Variants in SIPA1L3 observed in about 807,000 individuals in gnomAD.
SIPA1L3 encodes the protein signal-induced proliferation-associated 1-like protein 3.
In SIPA1L3, 59 loss-of-function variants were observed where a neutral mutation model predicts 150.1. The observed-to-expected ratio is 0.39, with a 90% CI of 0.32 to 0.49. The LOEUF (loss-of-function observed/expected upper bound fraction) is 0.49, where lower values mean the gene tolerates loss of function less well. SIPA1L3 is among the 20% of genes least tolerant of loss of function. The pLI, the probability that SIPA1L3 is intolerant of heterozygous loss-of-function variation, is 0.86. For synonymous variants in SIPA1L3, 1,070 were observed against 1,077.6 expected, an observed-to-expected ratio of 0.99 and a Z score of 0.14; for missense variants, 2,211 against 2,489.5, an observed-to-expected ratio of 0.89 and a Z score of 2.38.
At chr19:38,063,117 A>AC in intron 2 of SIPA1L3, among the ~76,000 whole-genome samples, 1 of 152,318 alleles carries the variant, frequency 6.6e-6, no homozygotes, top group East Asian at 1.9e-4. Context: ...TGTGCTCTGC[A>AC]CAGGGCCTGG....
At chr19:38,053,228 A>G (rs1969237729) in intron 2 of SIPA1L3, among the ~76,000 whole-genome samples, 1 of 152,238 alleles carries the variant, frequency 6.6e-6, no homozygotes, top group Non-Finnish European at 1.5e-5. Context: ...GAGACAGAGA[A>G]GCCCAGTTAC....
chr19:37,974,817 C>T (rs1432798590), intron 1 of SIPA1L3, among the ~76,000 whole-genome samples: 1 of 152,184 alleles, frequency 6.6e-6, no homozygotes, highest in South Asian at 2.1e-4. Context: ...TGGAATCTCT[C>T]CATTCCCCAT....
At chr19:38,168,787 G>C (rs928093052) in intron 15 of SIPA1L3, among the ~76,000 whole-genome samples, 35 of 152,334 alleles carry the variant, frequency 2.3e-4, no homozygotes, top group East Asian at 1.7e-3. Flanking sequence ...CTGCAGAAGA[G>C]GGCCCTGCGG....
chr19:38,142,755 GCTGTGCCTCCTTCTTCCCCAGCAAAT>G, intron 12 of SIPA1L3, 45 bp downstream of exon 12: 1 of 1,574,260 alleles, frequency 6.4e-7, no homozygotes, highest in Non-Finnish European at 8.7e-7. Context: ...TCTGATGAAA[GCTGTGCCTCCTTCTTCCCCAGCAAAT>G]GCACACCCCC....
At chr19:38,115,915 C>A (rs1405647255) in intron 8 of SIPA1L3, among the ~76,000 whole-genome samples, 1 of 152,106 alleles carries the variant, frequency 6.6e-6, no homozygotes, top group Non-Finnish European at 1.5e-5. Flanking sequence ...TGCCTAAGAG[C>A]GTGGAGTCCA....
At chr19:38,003,753 C>T (rs1359461481) in intron 1 of SIPA1L3, among the ~76,000 whole-genome samples, 1 of 152,294 alleles carries the variant, frequency 6.6e-6, no homozygotes, top group South Asian at 2.1e-4. Flanking sequence ...TGTCCTCTCT[C>T]GGGACTGTGC....
chr19:38,132,335 G>A (rs139675708), intron 10 of SIPA1L3, among the ~76,000 whole-genome samples: 148 of 151,710 alleles, frequency 9.8e-4, no homozygotes, highest in Middle Eastern at 6.8e-3. Flanking sequence ...CGAGGCGGGC[G>A]GATCACCAGG....
intron 1 of SIPA1L3, among the ~76,000 whole-genome samples, chr19:37,953,401 A>G (rs1056765276): frequency 2.0e-5 from 3 of 152,220 alleles, no homozygotes; most frequent in Non-Finnish European, 4.4e-5. Context: ...AACTTTGGAA[A>G]GAGCTGGATA....
intron 16 of SIPA1L3, among the ~76,000 whole-genome samples, chr19:38,187,366 C>T (rs1385518224): frequency 2.0e-5 from 3 of 149,108 alleles, no homozygotes; most frequent in East Asian, 2.0e-4. Flanking sequence ...GCAGGAGAAT[C>T]GCTAGAACCT....
intron 7 of SIPA1L3, among the ~76,000 whole-genome samples, chr19:38,107,753 G>A (rs1042780555): frequency 1.3e-5 from 2 of 152,168 alleles, no homozygotes; most frequent in Non-Finnish European, 2.9e-5. Flanking sequence ...GAGGCAGGCG[G>A]ATCACCTGAG....
chr19:38,152,432 A>G (rs1451641488), intron 12 of SIPA1L3, among the ~76,000 whole-genome samples: 3 of 152,110 alleles, frequency 2.0e-5, no homozygotes, highest in South Asian at 2.1e-4. Context: ...ATGCTTCCCA[A>G]CCTGCTGTCT....
In SIPA1L3 at chr19:38,051,916, G is replaced by T. The variant is rs138559458; in HGVS notation, c.-311+22760G>T. The stretch of plus-strand genomic sequence containing the variant: ...CCCACTTGAGTTGTTTTAGTAATGG[G>T]GAATTTCAGGCATTTACAGGGGTAG... On this transcript the variant is annotated intron_variant, in intron 2 of 21. Transcript: ENST00000222345. Among the ~76,000 whole-genome samples the T allele has an allele frequency of 3.3e-3, 501 of 152,230 alleles. 4 individuals are homozygous for T. The highest frequency in any genetic ancestry group is 0.012 in the African/African-American group (480 of 41,536).
At chr19:38,134,403 CAA>C (rs1175309814) in intron 10 of SIPA1L3, among the ~76,000 whole-genome samples, 3,257 of 64,018 alleles carry the variant, frequency 0.051, 144 homozygotes, top group African/African-American at 0.16. Context: ...CAAGCTTTCT[CAA>C]AAAAAAAAAA....
chr19:38,047,233 C>T lies in SIPA1L3; in HGVS notation c.-311+18077C>T, dbSNP rs1195226754. Reference sequence around the variant, plus strand: ...GCCTGTTCTCCCCCGCCGACACACACGCACGCACACACGCACGCACTCACA... The same window carrying T: ...GCCTGTTCTCCCCCGCCGACACACATGCACGCACACACGCACGCACTCACA... On this transcript the variant is annotated intron_variant, in intron 2 of 21. Transcript: ENST00000222345. The surrounding 1 kb of genome is among the most constrained non-coding windows in gnomAD (Gnocchi z 4.7). 3.3e-5 allele frequency among the ~76,000 whole-genome samples: 5 copies of T among 152,026 alleles called. No individual in the cohort carries two copies. Among genetic ancestry groups the T allele is most frequent in the Non-Finnish European group, 5.9e-5 (4 of 68,004 alleles).
chr19:38,078,547 C>G (rs1969905581), intron 2 of SIPA1L3, among the ~76,000 whole-genome samples: 1 of 149,956 alleles, frequency 6.7e-6, no homozygotes, highest in Non-Finnish European at 1.5e-5. Flanking sequence ...CACGCACACA[C>G]ACAGACACGC....
rs147367929 is a variant in SIPA1L3, at chr19:38,188,304, C to T, written c.4431-3841C>T. Among the ~76,000 whole-genome samples the T allele has an allele frequency of 2.0e-5, 3 of 151,992 alleles. No individual in the cohort carries two copies. The East Asian group carries it at 5.9e-4, about 30-fold the overall frequency. On this transcript the variant is annotated intron_variant, in intron 16 of 21. Transcript: ENST00000222345. ...GGTACAAGTGATTCTCGTGCCTCAG[C>T]CTCCCGAGTAGCTGGGACTATAGGT...
At chr19:38,035,721 A>AGAT (rs1444466862) in intron 2 of SIPA1L3, among the ~76,000 whole-genome samples, 2 of 152,012 alleles carry the variant, frequency 1.3e-5, no homozygotes, top group African/African-American at 2.4e-5. Context: ...GATGATAATG[A>AGAT]GATGATGATG....
intron 1 of SIPA1L3, among the ~76,000 whole-genome samples, chr19:37,994,367 T>C (rs994698176): frequency 3.3e-5 from 5 of 152,140 alleles, no homozygotes; most frequent in Non-Finnish European, 2.9e-5. Flanking sequence ...GGCGCCAGTG[T>C]GTGGAGATCT....
At chr19:37,992,998 C>T (rs1417880780) in intron 1 of SIPA1L3, among the ~76,000 whole-genome samples, 1 of 152,216 alleles carries the variant, frequency 6.6e-6, no homozygotes, top group Non-Finnish European at 1.5e-5. Flanking sequence ...GATCCTCAGA[C>T]TCGCTGGGTC....
Sources: allele counts gnomAD v4.1 joint callset (sites outside exome capture counted in the v4.1 genomes callset), GRCh38; gene constraint gnomAD v4.1.1; non-coding constraint Gnocchi (gnomAD v3.1); transcripts MANE v1.5; gene names NCBI Gene and HGNC (gene_info 2026-07-23, HGNC 2026-07-21).